Variants in SPI1 observed in about 807,000 individuals in gnomAD.
SPI1 encodes Spi-1 proto-oncogene.
In SPI1, 3 loss-of-function variants were observed where a neutral mutation model predicts 30.7. The ratio of observed to expected loss-of-function variants is 0.10; its 90% CI spans 0.04 to 0.25. SPI1 has a LOEUF of 0.25. SPI1 is among the 10% of genes least tolerant of loss of function. SPI1 has a pLI of 1.00. For synonymous variants in SPI1, 169 were observed against 157.1 expected, an observed-to-expected ratio of 1.08 and a Z score of -0.56; for missense variants, 261 against 371.5, an observed-to-expected ratio of 0.70 and a Z score of 2.45.
intron 2 of SPI1, among the ~76,000 whole-genome samples, chr11:47,369,110 G>T (rs551949018): frequency 6.6e-6 from 1 of 151,104 alleles, no homozygotes; most frequent in East Asian, 1.9e-4. Context: ...AAATTAGCCA[G>T]GTGTGGTGGC....
chr11:47,355,961 ACT>A (rs745531619), intron 4 of SPI1, among the ~76,000 whole-genome samples: 8 of 63,720 alleles, frequency 1.3e-4, no homozygotes, highest in Non-Finnish European at 2.1e-4. Context: ...CAATGCAACC[ACT>A]CACTCATGCT....
intron 2 of SPI1, among the ~76,000 whole-genome samples, chr11:47,371,879 G>A (rs764666921): frequency 6.6e-6 from 1 of 152,080 alleles, no homozygotes; most frequent in Non-Finnish European, 1.5e-5. Context: ...CCTGCCCTGT[G>A]CTCACTGGCC....
intron 2 of SPI1, among the ~76,000 whole-genome samples, chr11:47,361,624 C>T (rs755962266): frequency 1.3e-5 from 2 of 152,162 alleles, no homozygotes; most frequent in South Asian, 2.1e-4. Flanking sequence ...CCAAAGAGGG[C>T]GCCTACGAGA....
At chr11:47,365,766 G>A (rs1025937104) in intron 2 of SPI1, among the ~76,000 whole-genome samples, 4 of 152,134 alleles carry the variant, frequency 2.6e-5, no homozygotes, top group African/African-American at 4.8e-5. Context: ...GCACGATCTC[G>A]GCTCACTGCA....
chr11:47,355,614 G>C (rs1267914318), intron 4 of SPI1, 68 bp from the exon 5 acceptor site: 2 of 1,363,542 alleles, frequency 1.5e-6, no homozygotes, highest in Admixed American at 5.1e-5. Flanking sequence ...ACCGCCTTGC[G>C]TACGCACAGG....
At chr11:47,356,338 CCACT>C (rs890024358) in intron 4 of SPI1, among the ~76,000 whole-genome samples, 4 of 77,958 alleles carry the variant, frequency 5.1e-5, no homozygotes, top group African/African-American at 1.7e-4. Context: ...CATTCACAAC[CCACT>C]CACACACACC....
chr11:47,362,934 T>A (rs1033710194), intron 2 of SPI1, among the ~76,000 whole-genome samples: 4 of 150,774 alleles, frequency 2.7e-5, no homozygotes, highest in African/African-American at 4.9e-5. Flanking sequence ...TACAAAAAAT[T>A]TTTTTTAACT....
At chr11:47,358,489 C>A in intron 4 of SPI1, 1 of 652,554 alleles carries the variant, frequency 1.5e-6, no homozygotes, top group South Asian at 1.7e-5. Flanking sequence ...CTCTCACATT[C>A]ACCTTCTCAC....
intron 2 of SPI1, among the ~76,000 whole-genome samples, chr11:47,370,806 T>C (rs1219241759): frequency 6.6e-6 from 1 of 152,176 alleles, no homozygotes; most frequent in Non-Finnish European, 1.5e-5. Flanking sequence ...GTCATAACAG[T>C]GGAAAATTCA....
chr11:47,359,761 G>C lies in SPI1; in HGVS notation c.330+92C>G. On this transcript the variant is annotated intron_variant, in intron 3 of 4. Coordinates refer to ENST00000378538, the MANE Select transcript of SPI1 (RefSeq NM_003120.3). This position sits in a 1 kb window ranked among gnomAD's most constrained non-coding sequence, Gnocchi z 5.1. ...CACTGTGGGGCAGGAAGCTGAGTTG[G>C]GTAAGAGCCTGTGTCAGCTTCCTGT... The C allele has an allele frequency of 7.0e-7, 1 of 1,435,858 alleles. No individual in the cohort carries two copies. 88.9% of individuals were successfully genotyped at this position (1,435,858 alleles called of 1,614,324 possible).
At chr11:47,357,009 C>T (rs922234584) in intron 4 of SPI1, among the ~76,000 whole-genome samples, 5 of 151,050 alleles carry the variant, frequency 3.3e-5, no homozygotes, top group African/African-American at 1.2e-4. Context: ...CACACACTTC[C>T]TCACACACCT....
rs1359983829 is a variant in SPI1, at chr11:47,359,837, AGGC to A, written c.330+13_330+15del. 1 of 1,601,420 alleles carries A rather than the reference AGGC, an allele frequency of 6.2e-7. No homozygotes were observed. The highest frequency in any genetic ancestry group is 1.7e-5 in the Admixed American group (1 of 59,952). Reference sequence around the variant, plus strand: ...CTGGCAGTCTCCTGGGGGACGGGGCAGGCGGTGGCATGCACCTGGTGGCCAAGA... The same window carrying A: ...CTGGCAGTCTCCTGGGGGACGGGGCAGGTGGCATGCACCTGGTGGCCAAGA... On this transcript the variant is annotated intron_variant, in intron 3 of 4. Transcript: ENST00000378538. The surrounding 1 kb of genome is among the most constrained non-coding windows in gnomAD (Gnocchi z 5.1).
At chr11:47,362,895 A>G (rs2095923032) in intron 2 of SPI1, among the ~76,000 whole-genome samples, 1 of 151,026 alleles carries the variant, frequency 6.6e-6, no homozygotes, top group Non-Finnish European at 1.5e-5. Flanking sequence ...TCTTAACAAA[A>G]AAGTATTCAG....
chr11:47,368,139 G>A (rs1428518907), intron 2 of SPI1, among the ~76,000 whole-genome samples: 2 of 152,174 alleles, frequency 1.3e-5, no homozygotes, highest in African/African-American at 4.8e-5. Context: ...GCCAAGACGG[G>A]CAGATCGCCT....
At chr11:47,373,074 C>T (rs1263050411) in intron 2 of SPI1, among the ~76,000 whole-genome samples, 1 of 152,186 alleles carries the variant, frequency 6.6e-6, no homozygotes, top group African/African-American at 2.4e-5. Context: ...ACAGCCCGGC[C>T]GGGCGCAGTG....
Position 47,375,545 on chromosome 11 carries a change from C to G in SPI1, c.142+88G>C. The G allele has an allele frequency of 2.8e-6, 3 of 1,066,724 alleles. No homozygotes were observed. Among genetic ancestry groups the G allele is most frequent in the Non-Finnish European group, 4.3e-6 (3 of 695,828 alleles). 66.1% of individuals were successfully genotyped at this position (1,066,724 alleles called of 1,614,324 possible). The stretch of plus-strand genomic sequence containing the variant: ...TGATTCTCAGAATTCCAAAGAAGTC[C>G]TGGGAATCATTTATTCTTTTTCTCT... On this transcript the variant is annotated intron_variant, in intron 2 of 4. Coordinates refer to ENST00000378538, the MANE Select transcript of SPI1 (RefSeq NM_003120.3). This position sits in a 1 kb window ranked among gnomAD's most constrained non-coding sequence, Gnocchi z 4.2.
intron 2 of SPI1, among the ~76,000 whole-genome samples, chr11:47,365,636 C>T (rs563732924): frequency 1.1e-4 from 16 of 152,154 alleles, no homozygotes; most frequent in Non-Finnish European, 2.2e-4. Flanking sequence ...ACCATAGCAC[C>T]TCTGAGAAAC....
chr11:47,370,229 C>T (rs2095933843), intron 2 of SPI1, among the ~76,000 whole-genome samples: 1 of 151,840 alleles, frequency 6.6e-6, no homozygotes, highest in Non-Finnish European at 1.5e-5. Context: ...ATGGTGAAAC[C>T]CCACCTCTAC....
chr11:47,365,625 T>C (rs1214285840), intron 2 of SPI1, among the ~76,000 whole-genome samples: 1 of 152,184 alleles, frequency 6.6e-6, no homozygotes, highest in African/African-American at 2.4e-5. Flanking sequence ...CTTACCACTA[T>C]ACCATAGCAC....
Sources: gnomAD v4.1 joint callset for allele counts (sites outside exome capture counted in the v4.1 genomes callset) on GRCh38, gnomAD v4.1.1 for gene constraint, Gnocchi (gnomAD v3.1) non-coding constraint, MANE v1.5 for transcripts, NCBI Gene and HGNC (gene_info 2026-07-23, HGNC 2026-07-21) for gene names.